The following TSGA10 variants were observed in gnomAD, a reference collection of about 807,000 sequenced individuals.
The protein encoded by TSGA10 is testis-specific gene 10 protein.
In TSGA10, 43 loss-of-function variants were observed where a neutral mutation model predicts 96.6. The observed-to-expected ratio is 0.44, with a 90% confidence interval of 0.35 to 0.57. The LOEUF (loss-of-function observed/expected upper bound fraction) is 0.57, where lower values mean the gene tolerates loss of function less well. Ranked by LOEUF, TSGA10 falls within the 20% of genes least tolerant of loss-of-function variation. TSGA10 has a pLI of 0.01. For synonymous variants in TSGA10, 229 were observed against 269.9 expected (o/e 0.85, Z 1.48); for missense variants, 703 against 834.4 (o/e 0.84, Z 1.94).
At chr2:99,002,063 C>A (rs113936345) in intron 20 of TSGA10, among the ~76,000 whole-genome samples, 57 of 152,282 alleles carry the variant, frequency 3.7e-4, no homozygotes, top group African/African-American at 7.7e-4. Context: ...AAACACTCTG[C>A]GGGATATTAT....
intron 10 of TSGA10, among the ~76,000 whole-genome samples, chr2:99,097,507 A>C (rs1319085498): frequency 6.6e-6 from 1 of 152,208 alleles, no homozygotes; most frequent in African/African-American, 2.4e-5. Flanking sequence ...AAGATGGGTA[A>C]ATGGAGTTAC....
chr2:99,076,592 C>T (rs1287125856), intron 12 of TSGA10, among the ~76,000 whole-genome samples: 1 of 151,970 alleles, frequency 6.6e-6, no homozygotes, highest in Non-Finnish European at 1.5e-5. Context: ...CATATATACA[C>T]ACACACATAC....
chr2:99,119,597 T>C (rs2092466849), intron 2 of TSGA10, among the ~76,000 whole-genome samples: 1 of 152,280 alleles, frequency 6.6e-6, no homozygotes, highest in Non-Finnish European at 1.5e-5. Context: ...AGGAAAACCC[T>C]ACTTAGGCTT....
At position 98,998,099 on chromosome 2, in the gene TSGA10, C is replaced by T. The variant is rs1440299745; in HGVS notation, c.*98G>A. 1 of 998,294 alleles carries T rather than the reference C, an allele frequency of 1.0e-6. No homozygotes were observed. Among genetic ancestry groups the T allele is most frequent in the South Asian group, 1.5e-5 (1 of 66,514 alleles). The allele number at this position is 998,294 out of a possible 1,614,324, so 61.8% of individuals were successfully genotyped here. A position where few individuals can be genotyped will look rare whatever the true frequency, so the allele number is the denominator to read the frequency against. ...AAGTTAATAAATACATTTAACATTG[C>T]CAAGCATTTAAAAGATAAATGCACT... On this transcript the variant is annotated 3_prime_UTR_variant, in exon 21 of 21. Transcript: ENST00000393483.
At chr2:99,049,474 A>G (rs2083158318) in intron 16 of TSGA10, among the ~76,000 whole-genome samples, 1 of 152,152 alleles carries the variant, frequency 6.6e-6, no homozygotes, top group South Asian at 2.1e-4. Context: ...GCAAACTAAC[A>G]CAAGAACAGA....
chr2:99,105,331 A>G, intron 9 of TSGA10, 28 bp downstream of exon 9: 1 of 1,553,342 alleles, frequency 6.4e-7, no homozygotes, highest in East Asian at 2.2e-5. Flanking sequence ...TATAGCCAAA[A>G]GAGACTTTTC....
chr2:99,018,583 A>T lies in TSGA10; in HGVS notation c.1875T>A (p.Ala625=). Reference sequence around the variant, plus strand: ...GTTGTCTTTTGGTAATGTCTAAATCAGCTTCCAATTGTGTGACAACATTTC... The same window carrying T: ...GTTGTCTTTTGGTAATGTCTAAATCTGCTTCCAATTGTGTGACAACATTTC... ...QFRNVVTQLE[A]DLDITKRQLG... The change falls in exon 19 of 21, where the codon GCT becomes GCA. Residue 625 remains alanine, a synonymous_variant. Coordinates refer to ENST00000393483, the MANE Select transcript of TSGA10 (RefSeq NM_025244.4). The T allele has an allele frequency of 6.2e-7, 1 of 1,614,096 alleles. No individual in the cohort carries two copies. Among genetic ancestry groups the T allele is most frequent in the Non-Finnish European group, 8.5e-7 (1 of 1,179,992 alleles).
rs1289598888 is a variant in TSGA10, at chr2:99,053,067, T to TTAAA, written c.1404+11868_1404+11871dup. Among the ~76,000 whole-genome samples the TTAAA allele has an allele frequency of 1.3e-5, 2 of 151,808 alleles. 1 individual carries two copies. The highest frequency in any genetic ancestry group is 4.2e-4 in the South Asian group (2 of 4,794). On this transcript the variant is annotated intron_variant, in intron 16 of 20. Coordinates refer to ENST00000393483, the MANE Select transcript of TSGA10 (RefSeq NM_025244.4). ...ACAGAAGCAGACCCTGTCTCAAAGATTAAATAAATAAATAGTGTATTCCTG... is the reference window on the plus strand; with the variant it reads ...ACAGAAGCAGACCCTGTCTCAAAGATTAAATAAATAAATAAATAGTGTATTCCTG...
chr2:99,128,498 C>A (rs2092934506), intron 1 of TSGA10, among the ~76,000 whole-genome samples: 2 of 152,178 alleles, frequency 1.3e-5, no homozygotes, highest in South Asian at 4.1e-4. Flanking sequence ...ATTTAAGAAT[C>A]ATCTGGGAAT....
intron 15 of TSGA10, among the ~76,000 whole-genome samples, chr2:99,065,881 G>C (rs1427797044): frequency 6.6e-6 from 1 of 152,112 alleles, no homozygotes. Context: ...CTGATTTCTA[G>C]TAGGGAAATA....
At chr2:99,024,745 T>C (rs1573572623) in intron 17 of TSGA10, among the ~76,000 whole-genome samples, 1 of 152,188 alleles carries the variant, frequency 6.6e-6, no homozygotes, top group African/African-American at 2.4e-5. Context: ...GCAAAATCAT[T>C]CAATCACCAC....
At chr2:99,126,935 C>T (rs1172277512) in intron 2 of TSGA10, 113 bp downstream of exon 2, 3 of 974,446 alleles carry the variant, frequency 3.1e-6, no homozygotes, top group Non-Finnish European at 4.0e-6. Context: ...ATTTTAGACC[C>T]ATAACATTTA....
chr2:99,150,846 C>A (rs111826595), intron 1 of TSGA10: 1 of 1,543,682 alleles, frequency 6.5e-7, no homozygotes, highest in Non-Finnish European at 8.7e-7. Flanking sequence ...GCAATTTGTA[C>A]GTATTACCAA....
intron 12 of TSGA10, among the ~76,000 whole-genome samples, chr2:99,074,825 G>C (rs1272968814): frequency 6.6e-6 from 1 of 152,000 alleles, no homozygotes; most frequent in East Asian, 1.9e-4. Context: ...CGGGTGCAGT[G>C]GTGGGCGCCT....
chr2:99,055,860 CAAAAAAAAAAAA>C (rs59969222), intron 16 of TSGA10, among the ~76,000 whole-genome samples: 2 of 90,814 alleles, frequency 2.2e-5, no homozygotes, highest in African/African-American at 7.8e-5. Context: ...ATCCAATTAA[CAAAAAAAAAAAA>C]AAAAAAAGGA....
In TSGA10 at chr2:99,002,957, T is replaced by G. The variant is rs531824243; in HGVS notation, c.2073-4736A>C. Among the ~76,000 whole-genome samples the G allele has an allele frequency of 1.3e-3, 203 of 152,158 alleles. 1 individual carries two copies. The highest frequency in any genetic ancestry group is 4.7e-3 in the African/African-American group (196 of 41,492). The stretch of plus-strand genomic sequence containing the variant: ...TCACTGCAACCTCCACCTCCCAGGT[T>G]CAAGCAATTCTCTGCCTCAGCCTTC... On this transcript the variant is annotated intron_variant, in intron 20 of 20. Transcript: ENST00000393483.
chr2:99,046,932 A>G (rs2082840136), intron 16 of TSGA10, among the ~76,000 whole-genome samples: 1 of 152,244 alleles, frequency 6.6e-6, no homozygotes, highest in African/African-American at 2.4e-5. Context: ...CCATCAGAGA[A>G]TACTATAAAC....
At chr2:99,048,792 C>G (rs2083067722) in intron 16 of TSGA10, among the ~76,000 whole-genome samples, 2 of 152,020 alleles carry the variant, frequency 1.3e-5, no homozygotes, top group African/African-American at 4.8e-5. Flanking sequence ...TATGAACAGG[C>G]AACCTAAAGA....
intron 10 of TSGA10, among the ~76,000 whole-genome samples, chr2:99,098,438 C>CAAAAAAAAAAAAAAA (rs59144676): frequency 2.4e-4 from 22 of 92,568 alleles, no homozygotes; most frequent in Non-Finnish European, 3.4e-4. Flanking sequence ...GACTCTGCCT[C>CAAAAAAAAAAAAAAA]AAAAAAAAAA....
Sources: allele counts gnomAD v4.1 joint callset (sites outside exome capture counted in the v4.1 genomes callset), GRCh38; gene constraint gnomAD v4.1.1; transcripts MANE v1.5; gene names NCBI Gene and HGNC (gene_info 2026-07-23, HGNC 2026-07-21).